The following KCTD10 variants were observed in gnomAD, a reference collection of about 807,000 sequenced individuals.
The protein encoded by KCTD10 is BTB/POZ domain-containing adapter for CUL3-mediated RhoA degradation protein 3.
In KCTD10, 13 loss-of-function variants were observed where a neutral mutation model predicts 34.6. The observed-to-expected ratio is 0.38, with a 90% CI of 0.24 to 0.60. KCTD10 has a LOEUF of 0.60. KCTD10 is among the 20% of genes least tolerant of loss of function. The pLI, the probability that KCTD10 is intolerant of heterozygous loss-of-function variation, is 0.66. For missense variants in KCTD10, 256 were observed against 420.3 expected (o/e 0.61, Z 3.42); for synonymous variants, 156 against 168.8 (o/e 0.92, Z 0.59).
intron 2 of KCTD10, among the ~76,000 whole-genome samples, chr12:109,467,553 T>TG (rs1873649212): frequency 6.6e-6 from 1 of 151,982 alleles, no homozygotes; most frequent in African/African-American, 2.4e-5. Flanking sequence ...ACCCAGGAGA[T>TG]GGAGGCTGCC....
rs145376812 is a variant in KCTD10, at chr12:109,460,488, G to A, written c.387+148C>T. On this transcript the variant is annotated intron_variant, in intron 3 of 6. Coordinates refer to ENST00000228495, the MANE Select transcript of KCTD10 (RefSeq NM_031954.5). The surrounding 1 kb of genome is among the most constrained non-coding windows in gnomAD (Gnocchi z 4.5). ...AGGCCTCTCAGGGGTCACTCCAACC[G>A]AAGGAATCGGGCTCCAGGGCAAACT... 93 of 816,106 alleles carry A rather than the reference G, an allele frequency of 1.1e-4. No individual in the cohort carries two copies. The African/African-American group carries it at 1.4e-3, about 12-fold the overall frequency. The allele number at this position is 816,106 out of a possible 1,614,324, so 50.6% of individuals were successfully genotyped here.
chr12:109,458,492 T>A (rs35353200), intron 3 of KCTD10: 26,259 of 153,002 alleles, frequency 0.17, 2,289 homozygotes, highest in African/African-American at 0.19. Flanking sequence ...AGCAGACCAG[T>A]AAAAAAAGTC....
intron 6 of KCTD10, among the ~76,000 whole-genome samples, chr12:109,455,050 A>G (rs1872949854): frequency 6.6e-6 from 1 of 152,080 alleles, no homozygotes; most frequent in South Asian, 2.1e-4. Context: ...TGAAAAAAAA[A>G]AAACAGTTCA....
At chr12:109,473,646 G>A (rs908179437) in intron 1 of KCTD10, among the ~76,000 whole-genome samples, 1 of 152,102 alleles carries the variant, frequency 6.6e-6, no homozygotes, top group Non-Finnish European at 1.5e-5. Context: ...GGCCCTTGGG[G>A]GAAAAGTTTT....
intron 2 of KCTD10, among the ~76,000 whole-genome samples, chr12:109,464,386 C>G (rs186502661): frequency 4.6e-5 from 7 of 152,314 alleles, no homozygotes; most frequent in Admixed American, 4.6e-4. Context: ...CCTCTACTCA[C>G]TTGACGCCAG....
Position 109,449,807 on chromosome 12 carries a change from AAGAC to A in KCTD10, c.*1784_*1787del, listed in dbSNP as rs1302667732. The A allele has an allele frequency of 7.0e-6, 1 of 143,120 alleles. No individual in the cohort carries two copies. Among genetic ancestry groups the A allele is most frequent in the African/African-American group, 2.6e-5 (1 of 38,038 alleles). 8.9% of individuals were successfully genotyped at this position (143,120 alleles called of 1,614,324 possible). ...TTCTAAAAAAGCTCAACCCAAAAGA[AAGAC>A]AGGGTTGGTGTTTAACACTTAAACA... On this transcript the variant is annotated 3_prime_UTR_variant, in exon 7 of 7. Coordinates refer to ENST00000228495, the MANE Select transcript of KCTD10 (RefSeq NM_031954.5).
chr12:109,471,189 T>C (rs915000156), intron 1 of KCTD10: 6 of 985,306 alleles, frequency 6.1e-6, no homozygotes, highest in Admixed American at 1.2e-4. Flanking sequence ...ACTACAACTA[T>C]AACTGGTAAA....
chr12:109,471,023 A>G (rs2135679986), intron 1 of KCTD10: 2 of 701,714 alleles, frequency 2.9e-6, no homozygotes, highest in Non-Finnish European at 3.5e-6. Flanking sequence ...CCCCACCCCA[A>G]TGCAACAAGG....
rs986784097 is a variant in KCTD10 at position 109,449,618 on chromosome 12, C to G, written c.*1977G>C. On this transcript the variant is annotated 3_prime_UTR_variant, in exon 7 of 7. Transcript: ENST00000228495. ...ATGGGTACCTGCAATCCCAGCTACT[C>G]GGGAGGCTGAGGCAGCAGAATCGCT... is the stretch of plus-strand genomic sequence containing the variant. 6.6e-6 allele frequency: 1 copy of G among 152,106 alleles called. No individual in the cohort carries two copies. The highest frequency in any genetic ancestry group is 1.5e-5 in the Non-Finnish European group (1 of 68,078). 9.4% of individuals were successfully genotyped at this position (152,106 alleles called of 1,614,324 possible). A position where few individuals can be genotyped will look rare whatever the true frequency, so the allele number is the denominator to read the frequency against.
intron 4 of KCTD10, 53 bp from the exon 5 acceptor site, chr12:109,457,735 A>G: frequency 1.3e-6 from 2 of 1,560,052 alleles, no homozygotes; most frequent in Non-Finnish European, 1.8e-6. Flanking sequence ...GGCAGATGCA[A>G]TGAACTACTA....
intron 2 of KCTD10, chr12:109,469,195 A>G: frequency 3.4e-6 from 1 of 296,488 alleles, no homozygotes. Flanking sequence ...CTGAGACTGA[A>G]ACCCAGGTTG....
At chr12:109,454,403 C>T (rs2135640809) in intron 6 of KCTD10, among the ~76,000 whole-genome samples, 1 of 152,270 alleles carries the variant, frequency 6.6e-6, no homozygotes, top group Non-Finnish European at 1.5e-5. Context: ...ACCAGCAGGG[C>T]TCAATAACAG....
chr12:109,459,878 A>T (rs1257360542), intron 3 of KCTD10, among the ~76,000 whole-genome samples: 7 of 152,250 alleles, frequency 4.6e-5, no homozygotes, highest in Non-Finnish European at 8.8e-5. Context: ...TTAACCTTGC[A>T]GCACTATTTG....
chr12:109,462,309 G>A (rs757712088), intron 2 of KCTD10, among the ~76,000 whole-genome samples: 3 of 152,188 alleles, frequency 2.0e-5, no homozygotes, highest in Non-Finnish European at 2.9e-5. Context: ...TTAAAAGAAC[G>A]GTCTCCACCC....
At chr12:109,469,178 T>G (rs1013861939) in intron 2 of KCTD10, 2 of 301,526 alleles carry the variant, frequency 6.6e-6, no homozygotes, top group South Asian at 8.9e-5. Context: ...CAGATACTAA[T>G]GGGGAGCTGA....
intron 2 of KCTD10, among the ~76,000 whole-genome samples, chr12:109,463,586 A>T (rs1873449347): frequency 6.6e-6 from 1 of 152,158 alleles, no homozygotes; most frequent in Non-Finnish European, 1.5e-5. Context: ...GCAGCCTGGG[A>T]TCCCAGACCC....
chr12:109,451,551 G>A lies in KCTD10; in HGVS notation c.*44C>T. 2 of 1,550,784 alleles carry A rather than the reference G, an allele frequency of 1.3e-6. No individual in the cohort carries two copies. Among genetic ancestry groups the A allele is most frequent in the South Asian group, 1.2e-5 (1 of 85,570 alleles). On this transcript the variant is annotated 3_prime_UTR_variant, in exon 7 of 7. Transcript: ENST00000228495. This position sits in a 1 kb window ranked among gnomAD's most constrained non-coding sequence, Gnocchi z 5.0. ...ACAGGATCTGGGTGTAGCACGGCAGGGAGTGGGGGCGGTGAGAGGAGGGCG... is the reference window on the plus strand; with the variant it reads ...ACAGGATCTGGGTGTAGCACGGCAGAGAGTGGGGGCGGTGAGAGGAGGGCG...
intron 1 of KCTD10, among the ~76,000 whole-genome samples, chr12:109,472,213 G>A (rs1260968890): frequency 6.6e-6 from 1 of 151,548 alleles, no homozygotes; most frequent in Non-Finnish European, 1.5e-5. Flanking sequence ...TAATAACATA[G>A]CTTAAAACAC....
intron 1 of KCTD10, chr12:109,471,347 T>A: frequency 6.1e-6 from 6 of 985,446 alleles, no homozygotes; most frequent in Non-Finnish European, 7.2e-6. Context: ...CACCCAACAG[T>A]GGCCTGGATA....
Sources: allele counts gnomAD v4.1 joint callset (sites outside exome capture counted in the v4.1 genomes callset), GRCh38; gene constraint gnomAD v4.1.1; non-coding constraint Gnocchi (gnomAD v3.1); transcripts MANE v1.5; gene names NCBI Gene and HGNC (gene_info 2026-07-23, HGNC 2026-07-21).